The following CDH13 variants were observed in gnomAD, a reference collection of about 807,000 sequenced individuals.
The protein encoded by CDH13 is cadherin 13, also known as cadherin-13.
A neutral mutation model predicts 63.8 loss-of-function variants in CDH13; 24 were observed. The ratio of observed to expected loss-of-function variants is 0.38; its 90% CI spans 0.27 to 0.53. The LOEUF (loss-of-function observed/expected upper bound fraction) is 0.53, where lower values mean the gene tolerates loss of function less well. CDH13 is among the 20% of genes least tolerant of loss of function. CDH13 has a pLI of 0.85. For missense variants in CDH13, 1,049 were observed against 903.1 expected (o/e 1.16, Z -2.07); for synonymous variants, 503 against 355.3 (o/e 1.42, Z -4.67).
chr16:82,769,601 T>C (rs1177255410), intron 1 of CDH13, among the ~76,000 whole-genome samples: 1 of 152,226 alleles, frequency 6.6e-6, no homozygotes, highest in Non-Finnish European at 1.5e-5. Flanking sequence ...TATAAGTGAA[T>C]GAATATTACC....
chr16:83,122,696 T>A (rs987993764), intron 3 of CDH13, among the ~76,000 whole-genome samples: 6 of 152,066 alleles, frequency 3.9e-5, no homozygotes, highest in African/African-American at 7.2e-5. Context: ...ATTTTTAAAA[T>A]TTTTTTTGAA....
At chr16:82,819,177 G>C (rs1255423221) in intron 1 of CDH13, among the ~76,000 whole-genome samples, 2 of 152,164 alleles carry the variant, frequency 1.3e-5, no homozygotes, top group Admixed American at 6.5e-5. Context: ...GTAATCTTCT[G>C]ATTGCTAGGT....
At chr16:83,675,805 C>G (rs1265958651) in intron 9 of CDH13, among the ~76,000 whole-genome samples, 2 of 152,100 alleles carry the variant, frequency 1.3e-5, no homozygotes, top group Non-Finnish European at 2.9e-5. Flanking sequence ...GCAGAAATAT[C>G]CAAGAATGTT....
intron 1 of CDH13, among the ~76,000 whole-genome samples, chr16:82,690,944 T>C (rs1182953087): frequency 6.6e-6 from 1 of 152,258 alleles, no homozygotes; most frequent in Non-Finnish European, 1.5e-5. Flanking sequence ...ATCAGTCATC[T>C]AGCTGGGAAG....
chr16:83,472,903 G>A (rs570350612), intron 6 of CDH13, among the ~76,000 whole-genome samples: 3 of 152,254 alleles, frequency 2.0e-5, no homozygotes, highest in South Asian at 4.1e-4. Flanking sequence ...TATCCCTTGA[G>A]TGGTGGCCTG....
At chr16:83,068,360 G>A (rs2032179704) in intron 3 of CDH13, among the ~76,000 whole-genome samples, 1 of 152,106 alleles carries the variant, frequency 6.6e-6, no homozygotes, top group South Asian at 2.1e-4. Flanking sequence ...CTGACTCATT[G>A]CTGCTTGGCT....
chr16:82,899,114 T>C (rs754810022), intron 2 of CDH13, among the ~76,000 whole-genome samples: 2 of 152,188 alleles, frequency 1.3e-5, no homozygotes, highest in Non-Finnish European at 2.9e-5. Flanking sequence ...TCTAGAGAAA[T>C]AGAGGGCACA....
intron 2 of CDH13, among the ~76,000 whole-genome samples, chr16:82,888,009 A>C (rs2040949975): frequency 6.6e-6 from 1 of 152,132 alleles, no homozygotes; most frequent in Non-Finnish European, 1.5e-5. Flanking sequence ...TCAGAAAAGT[A>C]CGGTTTTGGC....
intron 1 of CDH13, among the ~76,000 whole-genome samples, chr16:82,738,419 A>C (rs1239249887): frequency 6.6e-6 from 1 of 152,192 alleles, no homozygotes; most frequent in Non-Finnish European, 1.5e-5. Context: ...CGGAGTCCTC[A>C]CCTGAAATCT....
At position 82,908,713 on chromosome 16, in the gene CDH13, G is replaced by A. The variant is rs143933517; in HGVS notation, c.157+50240G>A. Among the ~76,000 whole-genome samples the A allele has an allele frequency of 4.7e-3, 720 of 152,168 alleles. 1 individual carries two copies. The highest frequency in any genetic ancestry group is 0.017 in the African/African-American group (690 of 41,524). ...CAATCACCCCTCGGTATCTGTGGGG[G>A]CCAAAATCCAGAAACCTCTGTGAAT... On this transcript the variant is annotated intron_variant, in intron 2 of 13. Transcript: ENST00000567109.
At chr16:83,383,335 C>T (rs2091606765) in intron 6 of CDH13, 1 of 152,166 alleles carries the variant, frequency 6.6e-6, no homozygotes, top group Admixed American at 6.5e-5. Flanking sequence ...CAGGTTTCCC[C>T]CCAAAAAAGT....
chr16:83,073,648 A>G (rs2032614805), intron 3 of CDH13, among the ~76,000 whole-genome samples: 1 of 152,036 alleles, frequency 6.6e-6, no homozygotes, highest in Non-Finnish European at 1.5e-5. Context: ...GAACTTGACG[A>G]AACAGAGAAA....
chr16:82,682,178 C>T (rs866641310), intron 1 of CDH13, among the ~76,000 whole-genome samples: 2 of 152,204 alleles, frequency 1.3e-5, no homozygotes, highest in Admixed American at 1.3e-4. Context: ...ACGCATCAGG[C>T]AAATAACTAT....
chr16:83,673,091 T>C (rs1161283726), intron 9 of CDH13, among the ~76,000 whole-genome samples: 3 of 152,228 alleles, frequency 2.0e-5, no homozygotes, highest in African/African-American at 7.2e-5. Flanking sequence ...TCATACATAG[T>C]ACATTCATAT....
chr16:83,139,810 C>T (rs1051416859), intron 4 of CDH13, among the ~76,000 whole-genome samples: 1 of 152,078 alleles, frequency 6.6e-6, no homozygotes, highest in Admixed American at 6.6e-5. Context: ...TGAGACCACC[C>T]TGACCAACAT....
chr16:82,702,943 G>A (rs560472096), intron 1 of CDH13, among the ~76,000 whole-genome samples: 1 of 152,256 alleles, frequency 6.6e-6, no homozygotes, highest in South Asian at 2.1e-4. Flanking sequence ...AGCTCCCTGT[G>A]TGCAGGGACC....
chr16:83,149,235 C>T (rs1329506942), intron 4 of CDH13, among the ~76,000 whole-genome samples: 2 of 152,134 alleles, frequency 1.3e-5, no homozygotes. Context: ...GAGGTGGAAA[C>T]CAAGGTGGTG....
chr16:83,506,011 A>G (rs1035455810), intron 7 of CDH13, among the ~76,000 whole-genome samples: 2 of 152,198 alleles, frequency 1.3e-5, no homozygotes, highest in Non-Finnish European at 2.9e-5. Flanking sequence ...AAGTTCACAC[A>G]TTCAGGGAAT....
rs2038509679 is a variant in CDH13 at position 83,186,079 on chromosome 16, CTTTTTATTTTATTTTATTTTATTTT to C, written c.484-31265_484-31241del. Among the ~76,000 whole-genome samples, 3 of 135,182 alleles carry C rather than the reference CTTTTTATTTTATTTTATTTTATTTT, an allele frequency of 2.2e-5. No individual in the cohort carries two copies. In the South Asian group the frequency reaches 7.7e-4, roughly 35 times the overall value. The allele number at this position is 135,182 out of a possible 152,430, so 88.7% of individuals were successfully genotyped here. A position where few individuals can be genotyped will look rare whatever the true frequency, so the allele number is the denominator to read the frequency against. On this transcript the variant is annotated intron_variant, in intron 4 of 13. Coordinates refer to ENST00000567109, the MANE Select transcript of CDH13 (RefSeq NM_001257.5). ...AAAATTGTATTATTTTTAAAGGCAT[CTTTTTATTTTATTTTATTTTATTTT>C]ATTTTATTTTATTTTATTTTATTTT...
Sources: gnomAD v4.1 joint callset for allele counts (sites outside exome capture counted in the v4.1 genomes callset) on GRCh38, gnomAD v4.1.1 for gene constraint, MANE v1.5 for transcripts, NCBI Gene and HGNC (gene_info 2026-07-23, HGNC 2026-07-21) for gene names.